Variants in NCAPD3 observed in about 807,000 individuals in gnomAD.
The protein encoded by NCAPD3 is condensin-2 complex subunit D3.
In NCAPD3, 105 loss-of-function variants were observed where a neutral mutation model predicts 182.9. That is an observed-to-expected ratio of 0.57 (90% CI 0.49 to 0.68). NCAPD3 has a LOEUF of 0.68. NCAPD3 is among the 30% of genes least tolerant of loss of function. The probability of loss-of-function intolerance (pLI) is 0.00; values close to 1 mark genes in which losing one functional copy is unlikely to be tolerated. For synonymous variants in NCAPD3, 815 were observed against 679.9 expected (o/e 1.20, Z -3.09); for missense variants, 1,944 against 1,837.0 (o/e 1.06, Z -1.07).
intron 32 of NCAPD3, chr11:134,153,565 T>C (rs1044199764): frequency 8.2e-6 from 5 of 607,922 alleles, no homozygotes; most frequent in African/African-American, 7.4e-5. Flanking sequence ...CTGACCCCCT[T>C]CTCTGACCCG....
At chr11:134,215,197 TC>T (rs147890580) in intron 3 of NCAPD3, among the ~76,000 whole-genome samples, 1,944 of 152,266 alleles carry the variant, frequency 0.013, 35 homozygotes, top group African/African-American at 0.044. Context: ...ATAAGGGCCA[TC>T]CTGAGAAACC....
rs559297695 is a variant in NCAPD3, at chr11:134,161,975, C to T, written c.3574-84G>A. The T allele has an allele frequency of 3.8e-4, 249 of 656,680 alleles. No individual in the cohort carries two copies. In the East Asian group the frequency reaches 7.0e-3, roughly 19 times the overall value. 40.7% of individuals were successfully genotyped at this position (656,680 alleles called of 1,614,324 possible). ...CCTTGATCTAGTTCTTTGAGTAGAG[C>T]CACCCTACCACACTATGTAAGTTTA... is the stretch of plus-strand genomic sequence containing the variant. On this transcript the variant is annotated intron_variant, in intron 27 of 34. Coordinates refer to ENST00000534548, the MANE Select transcript of NCAPD3 (RefSeq NM_015261.3).
intron 16 of NCAPD3, among the ~76,000 whole-genome samples, chr11:134,185,760 C>T (rs1944391452): frequency 6.6e-6 from 1 of 152,014 alleles, no homozygotes; most frequent in Non-Finnish European, 1.5e-5. Context: ...TAAAATATTC[C>T]TTAAAGTAAA....
intron 24 of NCAPD3, 35 bp downstream of exon 24, chr11:134,176,272 A>T (rs1591836761): frequency 6.4e-7 from 1 of 1,571,264 alleles, no homozygotes; most frequent in Middle Eastern, 1.7e-4. Context: ...AATGAGGTAA[A>T]CTGTTGAGTC....
intron 22 of NCAPD3, chr11:134,177,665 G>A (rs1944202941): frequency 1.7e-6 from 1 of 584,096 alleles, no homozygotes; most frequent in South Asian, 2.1e-5. Context: ...AACTCCCCAG[G>A]AGTTATATAC....
chr11:134,202,117 A>G (rs1944762191), intron 13 of NCAPD3, among the ~76,000 whole-genome samples: 1 of 152,226 alleles, frequency 6.6e-6, no homozygotes, highest in Admixed American at 6.5e-5. Flanking sequence ...CCTGGAACGC[A>G]TCGGGAAGGA....
Position 134,178,815 on chromosome 11 carries a change from G to T in NCAPD3, c.2674+7C>A, listed in dbSNP as rs1240174428. On this transcript the variant is annotated splice_region_variant and intron_variant, in intron 21 of 34. Coordinates refer to ENST00000534548, the MANE Select transcript of NCAPD3 (RefSeq NM_015261.3). ...CGTGCTACAGAGTATGATTTCAAAT[G>T]CCTTACAGTGGTCAGCATCAGCAGA... 1 of 1,613,534 alleles carries T rather than the reference G, an allele frequency of 6.2e-7. No individual in the cohort carries two copies. The highest frequency in any genetic ancestry group is 1.3e-5 in the African/African-American group (1 of 74,930).
chr11:134,186,415 G>A (rs1944406263), intron 16 of NCAPD3, among the ~76,000 whole-genome samples: 1 of 152,100 alleles, frequency 6.6e-6, no homozygotes, highest in Non-Finnish European at 1.5e-5. Flanking sequence ...GTCTCACTAT[G>A]TTGTCTAGAC....
At chr11:134,165,625 G>C (rs1943757307) in intron 27 of NCAPD3, among the ~76,000 whole-genome samples, 1 of 148,104 alleles carries the variant, frequency 6.8e-6, no homozygotes, top group Admixed American at 6.7e-5. Flanking sequence ...ACACTCGTGA[G>C]ATGAGCTTAG....
chr11:134,157,962 T>G lies in NCAPD3; in HGVS notation c.4140A>C (p.Leu1380Phe), dbSNP rs1187465520. The change falls in exon 31 of 35, where the codon TTA (leucine) becomes TTC (phenylalanine). Residue 1380 changes from leucine to phenylalanine, a missense_variant. By Grantham distance (22) the Leu-to-Phe change is conservative. This residue lies in a region of NCAPD3 where 1,803 missense variants were observed against 1,674.6 expected (regional missense o/e 1.08). Transcript: ENST00000534548. ...SRSLGVLPFT[L>F]NSGSPEKTCS... ...ACGTTTTTTCTGGGCTTCCAGAATT[T>G]AAAGTGAAAGGCAGCACTCCTAAGC... is the stretch of plus-strand genomic sequence containing the variant. The G allele has an allele frequency of 6.2e-7, 1 of 1,614,148 alleles. No homozygotes were observed. The highest frequency in any genetic ancestry group is 1.1e-5 in the South Asian group (1 of 91,082).
intron 2 of NCAPD3, among the ~76,000 whole-genome samples, chr11:134,218,656 A>G (rs909076084): frequency 2.0e-5 from 3 of 152,142 alleles, no homozygotes; most frequent in African/African-American, 7.2e-5. Context: ...ATGCCCAGTC[A>G]GTTTAGCACT....
In NCAPD3 at chr11:134,152,083, G is replaced by A. The variant is rs1215777561; in HGVS notation, c.*861C>T. 6.6e-6 allele frequency: 1 copy of A among 152,230 alleles called. No homozygotes were observed. Among genetic ancestry groups the A allele is most frequent in the African/African-American group, 2.4e-5 (1 of 41,460 alleles). 9.4% of individuals were successfully genotyped at this position (152,230 alleles called of 1,614,324 possible). A position where few individuals can be genotyped will look rare whatever the true frequency, so the allele number is the denominator to read the frequency against. ...AACAAACCAACTGCATTTCTTTCTG[G>A]ATATTGTTGAACAAAAATAGCATTC... On this transcript the variant is annotated 3_prime_UTR_variant, in exon 35 of 35. Transcript: ENST00000534548.
At chr11:134,188,858 G>A (rs1235830516) in intron 16 of NCAPD3, among the ~76,000 whole-genome samples, 1 of 152,156 alleles carries the variant, frequency 6.6e-6, no homozygotes, top group Non-Finnish European at 1.5e-5. Flanking sequence ...ATCCTTATAA[G>A]AAGAAATGCG....
intron 32 of NCAPD3, among the ~76,000 whole-genome samples, chr11:134,155,706 C>T (rs1565514489): frequency 6.6e-6 from 1 of 152,200 alleles, no homozygotes; most frequent in African/African-American, 2.4e-5. Flanking sequence ...TGGCACCTCA[C>T]TGCCAAAATA....
Position 134,184,758 on chromosome 11 carries a change from A to C in NCAPD3, c.2336-6T>G. 3.1e-6 allele frequency: 5 copies of C among 1,607,256 alleles called. No individual in the cohort carries two copies. Among genetic ancestry groups the C allele is most frequent in the Non-Finnish European group, 4.3e-6 (5 of 1,174,514 alleles). On this transcript the variant is annotated splice_region_variant and splice_polypyrimidine_tract_variant and intron_variant, in intron 18 of 34. Transcript: ENST00000534548. ...CAGCTTACACTTGACAGCATCTATG[A>C]AGGAAGTCAAAACCCCTGAAGTTCA...
At position 134,152,351 on chromosome 11, in the gene NCAPD3, TCTAA is replaced by T. The variant is rs1301186395; in HGVS notation, c.*589_*592del. The stretch of plus-strand genomic sequence containing the variant: ...AATAGGGAAGATTTGGTTTCATTCC[TCTAA>T]CAAACAAACATGCTTTATGTAAAAT... On this transcript the variant is annotated 3_prime_UTR_variant, in exon 35 of 35. Transcript: ENST00000534548. 1 of 152,228 alleles carries T rather than the reference TCTAA, an allele frequency of 6.6e-6. No homozygotes were observed. Among genetic ancestry groups the T allele is most frequent in the Non-Finnish European group, 1.5e-5 (1 of 68,036 alleles). 9.4% of individuals were successfully genotyped at this position (152,228 alleles called of 1,614,324 possible). A position where few individuals can be genotyped will look rare whatever the true frequency, so the allele number is the denominator to read the frequency against.
Position 134,204,869 on chromosome 11 carries a change from T to A in NCAPD3, c.1089+30A>T, listed in dbSNP as rs1238770686. 4 of 1,542,676 alleles carry A rather than the reference T, an allele frequency of 2.6e-6. No individual in the cohort carries two copies. The highest frequency in any genetic ancestry group is 3.6e-6 in the Non-Finnish European group (4 of 1,116,462). On this transcript the variant is annotated intron_variant, in intron 9 of 34. Transcript: ENST00000534548. This position sits in a 1 kb window ranked among gnomAD's most constrained non-coding sequence, Gnocchi z 4.3. ...TATCTTCACACACGATATACTTCCA[T>A]GTTATTAATATTACTAAGGCAAACA...
chr11:134,184,654 T>C lies in NCAPD3; in HGVS notation c.2434A>G (p.Thr812Ala). 1 of 1,611,446 alleles carries C rather than the reference T, an allele frequency of 6.2e-7. No individual in the cohort carries two copies. The highest frequency in any genetic ancestry group is 2.2e-5 in the East Asian group (1 of 44,868). Residue 812 changes from threonine to alanine, a missense_variant, in exon 19 of 35, where the codon ACA (threonine) becomes GCA (alanine). By Grantham distance (58) the Thr-to-Ala change is moderately conservative. This residue lies in a region of NCAPD3 where 1,803 missense variants were observed against 1,674.6 expected (regional missense o/e 1.08). Transcript: ENST00000534548. ...GGCCATACCTGCTCCTCTGCTGGTG[T>C]CTCTGCAGATGCTCTACAAAGCCTC... is the stretch of plus-strand genomic sequence containing the variant. ...LQRLCRASAE[T>A]PAEEQELLTQ...
Position 134,204,920 on chromosome 11 carries a change from T to G in NCAPD3, c.1068A>C (p.Leu356Phe), listed in dbSNP as rs371471661. ...KESIFPVVRI[L>F]LQHICAKVVD... ...GTACCTTGGCACAGATGTGCTGCAG[T>G]AAGATACGGACGACTGGGAATATAC... The change falls in exon 9 of 35, where the codon TTA becomes TTC. Residue 356 changes from leucine to phenylalanine, a missense_variant. By Grantham distance (22) the Leu-to-Phe change is conservative (BLOSUM62 0). This residue lies in a region of NCAPD3 where 1,803 missense variants were observed against 1,674.6 expected (regional missense o/e 1.08). Transcript: ENST00000534548. The surrounding 1 kb of genome is among the most constrained non-coding windows in gnomAD (Gnocchi z 4.3). 9 of 1,613,484 alleles carry G rather than the reference T, an allele frequency of 5.6e-6. No homozygotes were observed. The African/African-American group carries it at 1.1e-4, about 19-fold the overall frequency.
Sources: gnomAD v4.1 joint callset for allele counts (sites outside exome capture counted in the v4.1 genomes callset) on GRCh38, gnomAD v4.1.1 for gene constraint, gnomAD v4.1.1 regional missense constraint, Gnocchi (gnomAD v3.1) non-coding constraint, MANE v1.5 for transcripts, NCBI Gene and HGNC (gene_info 2026-07-23, HGNC 2026-07-21) for gene names.